PPARGC1A: variants seen among roughly 807,000 people sequenced by gnomAD.
The protein encoded by PPARGC1A is PPARG coactivator 1 alpha.
Under a neutral mutation model 88.7 loss-of-function variants are expected in PPARGC1A, and 25 were observed. The ratio of observed to expected loss-of-function variants is 0.28; its 90% confidence interval spans 0.21 to 0.39. The LOEUF (loss-of-function observed/expected upper bound fraction) is 0.39. PPARGC1A is among the 10% of genes least tolerant of loss of function. PPARGC1A has a pLI of 1.00. For synonymous variants in PPARGC1A, 363 were observed against 355.6 expected (o/e 1.02, Z -0.24); for missense variants, 880 against 968.7 (o/e 0.91, Z 1.22).
the PPARGC1A span, among the ~76,000 whole-genome samples, chr4:24,221,336 T>G: frequency 9.2e-5 from 14 of 152,190 alleles, no homozygotes; most frequent in Non-Finnish European, 1.9e-4. Flanking sequence ...TTCATTTTAT[T>G]TAATCTTTAT....
intron 2 of PPARGC1A, among the ~76,000 whole-genome samples, chr4:23,863,336 C>T (rs1345791051): frequency 6.6e-6 from 1 of 152,158 alleles, no homozygotes; most frequent in Admixed American, 6.5e-5. Flanking sequence ...TAACAAACCC[C>T]ATATTGTCTT....
At chr4:23,970,664 TC>T in the PPARGC1A span, among the ~76,000 whole-genome samples, 1 of 152,182 alleles carries the variant, frequency 6.6e-6, no homozygotes, top group African/African-American at 2.4e-5. Context: ...TTTGCCTTGA[TC>T]AATTTATTCT....
At chr4:24,344,156 G>A in the PPARGC1A span, among the ~76,000 whole-genome samples, 29,203 of 151,798 alleles carry the variant, frequency 0.19, 2,963 homozygotes, top group South Asian at 0.23. Context: ...TGATTGGTGG[G>A]CATTTGGGTT....
At chr4:24,294,733 TAAG>T in the PPARGC1A span, among the ~76,000 whole-genome samples, 24 of 152,338 alleles carry the variant, frequency 1.6e-4, no homozygotes, top group African/African-American at 5.1e-4. Context: ...CTTTGAAAGA[TAAG>T]AAGCCAGGCA....
chr4:24,194,879 A>C, the PPARGC1A span, among the ~76,000 whole-genome samples: 1 of 152,194 alleles, frequency 6.6e-6, no homozygotes, highest in Non-Finnish European at 1.5e-5. Flanking sequence ...CTTTTCCAGC[A>C]TACTTTCTCC....
the PPARGC1A span, among the ~76,000 whole-genome samples, chr4:24,197,783 A>G: frequency 6.6e-6 from 1 of 152,228 alleles, no homozygotes; most frequent in African/African-American, 2.4e-5. Context: ...GAAGTCATCG[A>G]GCTGCCAGTT....
At chr4:23,890,602 CTTTTTTTTTT>C (rs56855205), upstream of PPARGC1A, among the ~76,000 whole-genome samples, 365 of 103,260 alleles carry the variant, frequency 3.5e-3, 1 homozygote, top group African/African-American at 6.8e-3. Context: ...GCAAACGGGG[CTTTTTTTTTT>C]TTTTTTTTTT....
the PPARGC1A span, among the ~76,000 whole-genome samples, chr4:23,931,994 C>T: frequency 6.6e-6 from 1 of 152,116 alleles, no homozygotes; most frequent in African/African-American, 2.4e-5. Context: ...ACTGTTAATG[C>T]TTTACACTTG....
At chr4:24,020,955 T>C in the PPARGC1A span, among the ~76,000 whole-genome samples, 1 of 152,186 alleles carries the variant, frequency 6.6e-6, no homozygotes, top group African/African-American at 2.4e-5. Flanking sequence ...CTCAGGCCAG[T>C]GTGGCAGTTG....
At chr4:24,082,138 C>T in the PPARGC1A span, among the ~76,000 whole-genome samples, 2 of 152,130 alleles carry the variant, frequency 1.3e-5, no homozygotes, top group East Asian at 1.9e-4. Context: ...TGCAGAGAGC[C>T]AGCCTGTTTC....
the PPARGC1A span, among the ~76,000 whole-genome samples, chr4:24,356,573 T>C: frequency 1.6e-4 from 25 of 152,342 alleles, no homozygotes; most frequent in Admixed American, 1.5e-3. Context: ...GATTCTATTA[T>C]GGGCACTTCT....
the PPARGC1A span, among the ~76,000 whole-genome samples, chr4:23,955,785 G>A: frequency 8.5e-5 from 13 of 152,172 alleles, no homozygotes; most frequent in African/African-American, 3.1e-4. Flanking sequence ...CATTTTACAA[G>A]TAAGAAAAGT....
At chr4:24,238,743 ATATGTGTGTGTGTGTGTGTGTGTG>A in the PPARGC1A span, among the ~76,000 whole-genome samples, 2 of 118,540 alleles carry the variant, frequency 1.7e-5, no homozygotes, top group African/African-American at 3.2e-5. Context: ...CCAAGGTTGT[ATATGTGTGTGTGTGTGTGTGTGTG>A]TGTGTGTGTG....
chr4:24,348,204 G>A, the PPARGC1A span, among the ~76,000 whole-genome samples: 1 of 152,188 alleles, frequency 6.6e-6, no homozygotes, highest in Non-Finnish European at 1.5e-5. Context: ...TTCCTCATAG[G>A]TTACCTGGTG....
chr4:23,833,943 T>A (rs920629669), intron 2 of PPARGC1A, among the ~76,000 whole-genome samples: 3 of 152,164 alleles, frequency 2.0e-5, no homozygotes, highest in Admixed American at 1.3e-4. Context: ...GGCAGGAAGA[T>A]CACTTGAGGC....
the PPARGC1A span, among the ~76,000 whole-genome samples, chr4:24,445,189 T>C: frequency 6.6e-6 from 1 of 152,206 alleles, no homozygotes; most frequent in Non-Finnish European, 1.5e-5. Flanking sequence ...TCTTAGAGTC[T>C]CCCAAAATGT....
the PPARGC1A span, among the ~76,000 whole-genome samples, chr4:24,025,401 T>A: frequency 8.5e-5 from 13 of 152,108 alleles, no homozygotes; most frequent in African/African-American, 3.1e-4. Flanking sequence ...CAGGAGAGAT[T>A]TATCTTCAGA....
At chr4:24,172,781 T>C in the PPARGC1A span, among the ~76,000 whole-genome samples, 5 of 152,226 alleles carry the variant, frequency 3.3e-5, no homozygotes, top group African/African-American at 1.2e-4. Context: ...CACGGCACTT[T>C]ACCCTTGCTG....
the PPARGC1A span, among the ~76,000 whole-genome samples, chr4:24,034,392 A>T: frequency 6.6e-6 from 1 of 152,348 alleles, no homozygotes; most frequent in South Asian, 2.1e-4. Flanking sequence ...AACATATGAC[A>T]TTTATAAAAT....
Sources: gnomAD v4.1 joint callset for allele counts (sites outside exome capture counted in the v4.1 genomes callset) on GRCh38, gnomAD v4.1.1 for gene constraint, MANE v1.5 for transcripts, NCBI Gene and HGNC (gene_info 2026-07-23, HGNC 2026-07-21) for gene names.